Variants in SMCO2 observed in about 807,000 individuals in gnomAD.
The protein encoded by SMCO2 is single-pass membrane and coiled-coil domain-containing protein 2.
Under a neutral mutation model 29.5 loss-of-function variants are expected in SMCO2, and 25 were observed. The observed-to-expected ratio is 0.85, with a 90% CI of 0.62 to 1.18. The LOEUF (loss-of-function observed/expected upper bound fraction) is 1.18. Among genes scored for constraint, SMCO2 ranks in the 50% most tolerant of loss-of-function variants. The pLI is 0.00. For synonymous variants in SMCO2, 117 were observed against 123.3 expected (o/e 0.95, Z 0.34); for missense variants, 348 against 344.5 (o/e 1.01, Z -0.08).
At chr12:27,465,028 C>CAAA (rs35630976), upstream of SMCO2, among the ~76,000 whole-genome samples, 72 of 60,394 alleles carry the variant, frequency 1.2e-3, no homozygotes, top group African/African-American at 1.9e-3. Flanking sequence ...GACCCTGTCT[C>CAAA]AAAAAAAAAA....
At chr12:27,446,592 CT>C in the SMCO2 span, 1 of 152,300 alleles carries the variant, frequency 6.6e-6, no homozygotes, top group East Asian at 1.9e-4. Context: ...AACCTCCCCA[CT>C]TTGAGACACT....
chr12:27,485,434 CTATT>C (rs763587332), intron 4 of SMCO2, among the ~76,000 whole-genome samples: 10 of 149,236 alleles, frequency 6.7e-5, no homozygotes, highest in East Asian at 5.8e-4. Context: ...AATACTGCCT[CTATT>C]TATTTTTTTA....
intron 3 of SMCO2, 56 bp downstream of exon 3, chr12:27,472,931 G>C (rs1016578060): frequency 2.3e-6 from 3 of 1,285,098 alleles, no homozygotes; most frequent in Non-Finnish European, 3.3e-6. Flanking sequence ...AGGTTGAAGA[G>C]AAGAACTTCA....
chr12:27,456,850 GAGGTGAGCAGCAGGC>G, the SMCO2 span, among the ~76,000 whole-genome samples: 11 of 152,112 alleles, frequency 7.2e-5, no homozygotes, highest in Non-Finnish European at 1.6e-4. Context: ...CGCACAGCAG[GAGGTGAGCAGCAGGC>G]AGGTGAGCAT....
the SMCO2 span, among the ~76,000 whole-genome samples, chr12:27,425,495 G>A: frequency 4.1e-4 from 62 of 152,162 alleles, no homozygotes; most frequent in African/African-American, 1.4e-3. Context: ...AGACTCCAAC[G>A]TCATCAGCCT....
At chr12:27,448,783 T>A in the SMCO2 span, among the ~76,000 whole-genome samples, 1 of 152,226 alleles carries the variant, frequency 6.6e-6, no homozygotes, top group African/African-American at 2.4e-5. Context: ...GTCTTATTGA[T>A]AATTCACTCG....
chr12:27,431,146 G>A, the SMCO2 span, among the ~76,000 whole-genome samples: 3 of 151,898 alleles, frequency 2.0e-5, no homozygotes, highest in Non-Finnish European at 4.4e-5. Context: ...CTCCCTAGTA[G>A]CTGGGATTAC....
At position 27,502,039 on chromosome 12, in the gene SMCO2, T is replaced by C; in HGVS notation, c.800T>C (p.Leu267Pro). 1.9e-6 allele frequency: 3 copies of C among 1,548,398 alleles called. No homozygotes were observed. In the South Asian group the frequency reaches 3.6e-5, roughly 18 times the overall value. The change falls in exon 8 of 8, where the codon CTT becomes CCT. Residue 267 changes from leucine (L) to proline (P), a missense_variant. Leu to Pro is a moderately conservative substitution (Grantham distance 98). Coordinates refer to ENST00000298876, the Ensembl canonical transcript of SMCO2. ...TTTGAAAGGGTGCTTCTGAGAATGC[T>C]TGGGTGCCGCACCACATGGGACCTA... is the stretch of plus-strand genomic sequence containing the variant.
the SMCO2 span, among the ~76,000 whole-genome samples, chr12:27,441,811 G>C: frequency 6.6e-6 from 1 of 152,124 alleles, no homozygotes; most frequent in African/African-American, 2.4e-5. Flanking sequence ...TTTCAGAATA[G>C]ACCATATCTT....
the SMCO2 span, among the ~76,000 whole-genome samples, chr12:27,431,025 ATCT>A: frequency 4.5e-4 from 67 of 149,180 alleles, no homozygotes; most frequent in East Asian, 0.012. Flanking sequence ...GAAATTTACT[ATCT>A]TTTTTTTTTT....
chr12:27,494,278 A>G, intron 5 of SMCO2, 22 bp from the exon 7 acceptor site: 8 of 1,423,092 alleles, frequency 5.6e-6, no homozygotes, highest in Non-Finnish European at 7.4e-6. Context: ...CATTTTACCC[A>G]GAATTGTGGA....
the SMCO2 span, among the ~76,000 whole-genome samples, chr12:27,461,606 A>C: frequency 6.6e-6 from 1 of 152,220 alleles, no homozygotes; most frequent in Admixed American, 6.5e-5. Context: ...TATAGATATG[A>C]CGATGAATAT....
chr12:27,450,498 C>G, the SMCO2 span, among the ~76,000 whole-genome samples: 14 of 152,304 alleles, frequency 9.2e-5, no homozygotes, highest in South Asian at 2.1e-4. Context: ...TCAGTGCAAA[C>G]AGTGTGCTGA....
the SMCO2 span, among the ~76,000 whole-genome samples, chr12:27,432,918 C>T: frequency 6.6e-6 from 1 of 152,086 alleles, no homozygotes; most frequent in African/African-American, 2.4e-5. Flanking sequence ...ATTGATTTGT[C>T]CACAGAACCA....
the SMCO2 span, among the ~76,000 whole-genome samples, chr12:27,428,818 C>CTTTTT: frequency 0.02 from 2,646 of 129,946 alleles, 72 homozygotes; most frequent in East Asian, 0.053. Flanking sequence ...AATAAATGTA[C>CTTTTT]TTTTTTTTTT....
At chr12:27,429,345 T>G in the SMCO2 span, among the ~76,000 whole-genome samples, 1 of 152,084 alleles carries the variant, frequency 6.6e-6, no homozygotes, top group African/African-American at 2.4e-5. Flanking sequence ...TTCTCTTTTT[T>G]CAAGGCCTTT....
chr12:27,428,922 G>T, the SMCO2 span, among the ~76,000 whole-genome samples: 1 of 143,724 alleles, frequency 7.0e-6, no homozygotes, highest in Non-Finnish European at 1.5e-5. Context: ...ATACTTTGTT[G>T]ACTGAGCAAT....
chr12:27,460,166 T>C, the SMCO2 span, among the ~76,000 whole-genome samples: 1 of 152,214 alleles, frequency 6.6e-6, no homozygotes, highest in Non-Finnish European at 1.5e-5. Flanking sequence ...GAGACAATGA[T>C]AGCAACCACA....
the SMCO2 span, among the ~76,000 whole-genome samples, chr12:27,426,092 A>T: frequency 6.6e-6 from 1 of 152,162 alleles, no homozygotes; most frequent in African/African-American, 2.4e-5. Context: ...GGGATCTCCC[A>T]TGGGGATCTT....
Sources: gnomAD v4.1 joint callset for allele counts (sites outside exome capture counted in the v4.1 genomes callset) on GRCh38, gnomAD v4.1.1 for gene constraint, MANE v1.5 for transcripts, NCBI Gene and HGNC (gene_info 2026-07-23, HGNC 2026-07-21) for gene names.